The following TBC1D5 variants were observed in gnomAD, a reference collection of about 807,000 sequenced individuals.
The protein encoded by TBC1D5 is TBC1 domain family member 5.
Under a neutral mutation model 100.3 loss-of-function variants are expected in TBC1D5, and 75 were observed. That is an observed-to-expected ratio of 0.75 (90% CI 0.62 to 0.91). TBC1D5 has a LOEUF of 0.91. TBC1D5 is among the 40% of genes least tolerant of loss of function. TBC1D5 has a pLI of 0.00. For missense variants in TBC1D5, 910 were observed against 942.4 expected (o/e 0.97, Z 0.45); for synonymous variants, 323 against 325.6 (o/e 0.99, Z 0.09).
intron 2 of TBC1D5, among the ~76,000 whole-genome samples, chr3:17,565,268 G>C (rs553840909): frequency 6.6e-6 from 1 of 152,108 alleles, no homozygotes; most frequent in Non-Finnish European, 1.5e-5. Context: ...AACAGTTTTT[G>C]AGTACTATGT....
At chr3:17,300,307 G>A (rs1208946732) in intron 14 of TBC1D5, among the ~76,000 whole-genome samples, 1 of 152,130 alleles carries the variant, frequency 6.6e-6, no homozygotes, top group African/African-American at 2.4e-5. Context: ...AAAACTTTGT[G>A]ACATTACCAT....
chr3:17,406,765 GGA>G (rs2093781624), intron 4 of TBC1D5: 1 of 454,998 alleles, frequency 2.2e-6, no homozygotes, highest in African/African-American at 2.0e-5. Flanking sequence ...TAATGTCTAT[GGA>G]GGCTATTCCA....
At chr3:17,185,335 T>C (rs978115823) in intron 18 of TBC1D5, 127 bp from the exon 20 acceptor site, 1 of 664,948 alleles carries the variant, frequency 1.5e-6, no homozygotes, top group African/African-American at 1.8e-5. Flanking sequence ...CAAATCTAAA[T>C]AGCAAACAAA....
At chr3:17,331,611 C>G (rs1307436524) in intron 13 of TBC1D5, among the ~76,000 whole-genome samples, 1 of 152,138 alleles carries the variant, frequency 6.6e-6, no homozygotes, top group Non-Finnish European at 1.5e-5. Context: ...GCTGGGGACA[C>G]AGCAATGAAC....
intron 13 of TBC1D5, among the ~76,000 whole-genome samples, chr3:17,310,643 A>G (rs916362791): frequency 6.6e-6 from 1 of 152,120 alleles, no homozygotes. Flanking sequence ...ATTTGGAAGT[A>G]CAGGCATTGA....
intron 2 of TBC1D5, among the ~76,000 whole-genome samples, chr3:17,555,007 G>A (rs1321180217): frequency 6.6e-6 from 1 of 151,876 alleles, no homozygotes; most frequent in Non-Finnish European, 1.5e-5. Context: ...GTGCCACCAC[G>A]TCCAGCTAAT....
intron 15 of TBC1D5, among the ~76,000 whole-genome samples, chr3:17,291,439 C>A (rs2081730147): frequency 6.6e-6 from 1 of 152,180 alleles, no homozygotes; most frequent in South Asian, 2.1e-4. Flanking sequence ...TAATACATAT[C>A]ATAATATGAA....
At chr3:17,473,000 A>G (rs181825277) in intron 3 of TBC1D5, among the ~76,000 whole-genome samples, 2 of 152,362 alleles carry the variant, frequency 1.3e-5, no homozygotes, top group East Asian at 1.9e-4. Flanking sequence ...AAGAGAAAAT[A>G]TATCACAAAG....
intron 2 of TBC1D5, among the ~76,000 whole-genome samples, chr3:17,531,454 C>G (rs372597142): frequency 6.6e-6 from 1 of 152,058 alleles, no homozygotes; most frequent in Non-Finnish European, 1.5e-5. Context: ...AAGCTACCAA[C>G]GACTTTCTTC....
At chr3:17,666,224 C>A (rs1349601549) in intron 1 of TBC1D5, among the ~76,000 whole-genome samples, 5 of 152,190 alleles carry the variant, frequency 3.3e-5, no homozygotes, top group Non-Finnish European at 5.9e-5. Context: ...ACTCCCTATA[C>A]ATAAAGTATT....
chr3:17,364,427 G>T (rs1190813826), intron 13 of TBC1D5, among the ~76,000 whole-genome samples: 3 of 152,172 alleles, frequency 2.0e-5, no homozygotes, highest in African/African-American at 4.8e-5. Flanking sequence ...TGCTGTCACA[G>T]ATTTTACATG....
chr3:17,203,726 C>A (rs2071782862), intron 18 of TBC1D5, among the ~76,000 whole-genome samples: 1 of 152,322 alleles, frequency 6.6e-6, no homozygotes, highest in Middle Eastern at 3.4e-3. Context: ...TCTCCAGCCT[C>A]TTCTTTGCCT....
At chr3:17,373,741 G>C (rs934080179) in intron 12 of TBC1D5, among the ~76,000 whole-genome samples, 2 of 152,086 alleles carry the variant, frequency 1.3e-5, no homozygotes, top group Non-Finnish European at 2.9e-5. Context: ...AGTGAAAGGA[G>C]TCAGTCACAA....
At chr3:17,607,270 C>CA (rs11290168) in intron 2 of TBC1D5, among the ~76,000 whole-genome samples, 91 of 151,280 alleles carry the variant, frequency 6.0e-4, no homozygotes, top group African/African-American at 1.7e-3. Flanking sequence ...ATGTGTACAG[C>CA]AAAAAAAAAT....
At chr3:17,663,546 A>T (rs1221695079) in intron 1 of TBC1D5, among the ~76,000 whole-genome samples, 1 of 152,160 alleles carries the variant, frequency 6.6e-6, no homozygotes, top group Non-Finnish European at 1.5e-5. Context: ...ATTAGCAGAG[A>T]TGTTTTCTTT....
chr3:17,449,769 C>T (rs1009206159), intron 3 of TBC1D5, among the ~76,000 whole-genome samples: 12 of 152,196 alleles, frequency 7.9e-5, no homozygotes, highest in Admixed American at 2.6e-4. Context: ...CTCCCCAGGA[C>T]GGAGCACCTG....
chr3:17,404,984 C>T (rs2093733384), intron 5 of TBC1D5, 23 bp from the exon 6 acceptor site: 1 of 1,485,076 alleles, frequency 6.7e-7, no homozygotes, highest in Non-Finnish European at 9.2e-7. Flanking sequence ...ACAGAAGAAA[C>T]TTTTGTAAAA....
intron 18 of TBC1D5, among the ~76,000 whole-genome samples, chr3:17,209,796 A>G (rs1260640456): frequency 6.6e-6 from 1 of 152,192 alleles, no homozygotes; most frequent in African/African-American, 2.4e-5. Flanking sequence ...CTAGTTGTAT[A>G]AATCTCTTAA....
At chr3:17,526,610 C>A (rs1482129967) in intron 2 of TBC1D5, among the ~76,000 whole-genome samples, 1 of 152,140 alleles carries the variant, frequency 6.6e-6, no homozygotes, top group African/African-American at 2.4e-5. Context: ...TTTCCTCACA[C>A]GTAAAATGGT....
Sources: gnomAD v4.1 joint callset for allele counts (sites outside exome capture counted in the v4.1 genomes callset) on GRCh38, gnomAD v4.1.1 for gene constraint, MANE v1.5 for transcripts, NCBI Gene and HGNC (gene_info 2026-07-23, HGNC 2026-07-21) for gene names.